Variants in ITPKA observed in about 807,000 individuals in gnomAD.
ITPKA encodes the protein IP3 3-kinase A.
A neutral mutation model predicts 40.7 loss-of-function variants in ITPKA; 16 were observed. The ratio of observed to expected loss-of-function variants is 0.39; its 90% CI spans 0.27 to 0.60. ITPKA has a LOEUF of 0.60. Ranked by LOEUF, ITPKA falls within the 20% of genes least tolerant of loss-of-function variation. The pLI is 0.50. For synonymous variants in ITPKA, 313 were observed against 289.9 expected (o/e 1.08, Z -0.81); for missense variants, 540 against 649.3 (o/e 0.83, Z 1.83).
At position 41,501,623 on chromosome 15, in the gene ITPKA, G is replaced by T; in HGVS notation, c.587-12G>T. The T allele has an allele frequency of 6.2e-7, 1 of 1,600,162 alleles. No individual in the cohort carries two copies. The highest frequency in any genetic ancestry group is 8.5e-7 in the Non-Finnish European group (1 of 1,174,570). On this transcript the variant is annotated splice_polypyrimidine_tract_variant and intron_variant, in intron 2 of 6. Transcript: ENST00000260386. ...AAGGGGCTGGGCGGCGCTGACGGAT[G>T]CCGGTCCTCAGGGAGTTTTAAGGCG...
intron 4 of ITPKA, 22 bp from the exon 5 acceptor site, chr15:41,502,380 G>C (rs1486185732): frequency 6.4e-7 from 1 of 1,556,452 alleles, no homozygotes; most frequent in Non-Finnish European, 8.8e-7. Flanking sequence ...CGGGGCCCCT[G>C]ACACTCCTGT....
At position 41,503,045 on chromosome 15, in the gene ITPKA, C is replaced by G. The variant is rs745545484; in HGVS notation, c.1265C>G (p.Pro422Arg). The change falls in exon 7 of 7, where the codon CCC becomes CGC. Residue 422 changes from proline to arginine, a missense_variant. Coordinates refer to ENST00000260386, the MANE Select transcript of ITPKA (RefSeq NM_002220.3). ...CTCATCGACTTCGGCAAGACCACGC[C>G]CCTCCCCGATGGCCAGATCCTGGAC... ...VWLIDFGKTT[P>R]LPDGQILDHR... The G allele has an allele frequency of 6.2e-7, 1 of 1,610,708 alleles. No individual in the cohort carries two copies. The highest frequency in any genetic ancestry group is 1.1e-5 in the South Asian group (1 of 90,950).
chr15:41,498,968 T>A (rs943676554), intron 1 of ITPKA, among the ~76,000 whole-genome samples: 1 of 152,112 alleles, frequency 6.6e-6, no homozygotes. Flanking sequence ...GGGATGTAAC[T>A]CCCCTTGATT....
rs1437553477 is a variant in ITPKA, at chr15:41,494,827, C to T, written c.489+411C>T. Among the ~76,000 whole-genome samples the T allele has an allele frequency of 2.0e-5, 3 of 152,222 alleles. No individual in the cohort carries two copies. The highest frequency in any genetic ancestry group is 6.5e-5 in the Admixed American group (1 of 15,292). ...ACCCCCCGCCCCCTCTCCGGTGCCGCGGCCGCACCCCCGCCGTTGCCACGG... is the reference window on the plus strand; with the variant it reads ...ACCCCCCGCCCCCTCTCCGGTGCCGTGGCCGCACCCCCGCCGTTGCCACGG... On this transcript the variant is annotated intron_variant, in intron 1 of 6. Transcript: ENST00000260386. This position sits in a 1 kb window ranked among gnomAD's most constrained non-coding sequence, Gnocchi z 7.8.
chr15:41,502,598 C>T, intron 5 of ITPKA, 95 bp downstream of exon 5: 1 of 932,216 alleles, frequency 1.1e-6, no homozygotes, highest in Non-Finnish European at 1.7e-6. Context: ...GTGTCCCCAC[C>T]ATGGCCCTCA....
chr15:41,494,637 G>A lies in ITPKA; in HGVS notation c.489+221G>A, dbSNP rs1220341445. 2.6e-5 allele frequency among the ~76,000 whole-genome samples: 4 copies of A among 152,200 alleles called. No individual in the cohort carries two copies. Among genetic ancestry groups the A allele is most frequent in the African/African-American group, 9.6e-5 (4 of 41,460 alleles). On this transcript the variant is annotated intron_variant, in intron 1 of 6. Transcript: ENST00000260386. This position sits in a 1 kb window ranked among gnomAD's most constrained non-coding sequence, Gnocchi z 7.8. ...GCCGGCGGGTCGTGGCGCTGGCCCT[G>A]GGGCGTCTAAGAAGCGGGGCGAGGA...
intron 1 of ITPKA, among the ~76,000 whole-genome samples, chr15:41,495,146 C>A (rs1191675712): frequency 6.6e-6 from 1 of 152,240 alleles, no homozygotes; most frequent in Non-Finnish European, 1.5e-5. Context: ...CCAGGTCTGA[C>A]CCTCGGAAAA....
chr15:41,501,008 GAAAAAAAAAAA>G (rs11366854), intron 1 of ITPKA, among the ~76,000 whole-genome samples: 2 of 58,182 alleles, frequency 3.4e-5, no homozygotes, highest in Admixed American at 2.4e-4. Flanking sequence ...GACTCCATCT[GAAAAAAAAAAA>G]AAAAAAAAAA....
Position 41,502,874 on chromosome 15 carries a change from C to G in ITPKA, c.1182+15C>G, listed in dbSNP as rs1232623533. On this transcript the variant is annotated intron_variant, in intron 6 of 6. Transcript: ENST00000260386. ...GGAGGCACGAGGTAAGCGGCGGCTGCCCGGGTGCCCGGGCCGCGAGGGCTA... is the reference window on the plus strand; with the variant it reads ...GGAGGCACGAGGTAAGCGGCGGCTGGCCGGGTGCCCGGGCCGCGAGGGCTA... The G allele has an allele frequency of 1.1e-5, 18 of 1,610,366 alleles. No individual in the cohort carries two copies. The highest frequency in any genetic ancestry group is 1.4e-5 in the Non-Finnish European group (17 of 1,178,592).
Position 41,494,201 on chromosome 15 carries a change from C to A in ITPKA, c.274C>A (p.Pro92Thr). Residue 92 changes from proline to threonine, a missense_variant, in exon 1 of 7, where the codon CCC becomes ACC. By Grantham distance (38) the Pro-to-Thr change is conservative. Coordinates refer to ENST00000260386, the MANE Select transcript of ITPKA (RefSeq NM_002220.3). This position sits in a 1 kb window ranked among gnomAD's most constrained non-coding sequence, Gnocchi z 7.8. ...LTVTAEEPDV[P>T]PTSPGPPERE... Reference sequence around the variant, plus strand: ...CGTGACAGCCGAGGAGCCCGACGTGCCCCCGACCAGCCCTGGGCCGCCGGA... The same window carrying A: ...CGTGACAGCCGAGGAGCCCGACGTGACCCCGACCAGCCCTGGGCCGCCGGA... 42 of 1,525,004 alleles carry A rather than the reference C, an allele frequency of 2.8e-5. No individual in the cohort carries two copies. The highest frequency in any genetic ancestry group is 3.5e-5 in the Non-Finnish European group (40 of 1,143,406). 94.5% of individuals were successfully genotyped at this position (1,525,004 alleles called of 1,614,324 possible).
chr15:41,502,620 C>G, intron 5 of ITPKA, 117 bp downstream of exon 5: 2 of 915,470 alleles, frequency 2.2e-6, no homozygotes, highest in Non-Finnish European at 3.4e-6. Flanking sequence ...CGCGCTGGCT[C>G]GCAACTGCTC....
rs2140681403 is a variant in ITPKA at position 41,503,432 on chromosome 15, G to GT, written c.*266_*267insT. 1.7e-6 allele frequency: 1 copy of GT among 602,758 alleles called. No individual in the cohort carries two copies. Among genetic ancestry groups the GT allele is most frequent in the South Asian group, 1.7e-5 (1 of 58,954 alleles). 37.3% of individuals were successfully genotyped at this position (602,758 alleles called of 1,614,324 possible). ...TTCTTCCTCAGGCCAGCTCTTCTGA[G>GT]GAGGCTCTGCCCTCTCCAGAGGTGC... is the stretch of plus-strand genomic sequence containing the variant. On this transcript the variant is annotated 3_prime_UTR_variant, in exon 7 of 7. Transcript: ENST00000260386.
rs759550396 is a variant in ITPKA at position 41,502,225 on chromosome 15, C to T, written c.1008+24C>T. On this transcript the variant is annotated intron_variant, in intron 4 of 6. Transcript: ENST00000260386. Reference sequence around the variant, plus strand: ...AGGTGAGGCAGGCGCGCTTCGCTGGCACCGCCGCAGCCCCACTGCGCGCTG... The same window carrying T: ...AGGTGAGGCAGGCGCGCTTCGCTGGTACCGCCGCAGCCCCACTGCGCGCTG... 1.2e-5 allele frequency: 18 copies of T among 1,548,484 alleles called. No individual in the cohort carries two copies. The Admixed American group carries it at 3.5e-4, about 30-fold the overall frequency.
At position 41,494,268 on chromosome 15, in the gene ITPKA, T is replaced by G; in HGVS notation, c.341T>G (p.Leu114Arg). ...CTCCCGGCAGCGGGCTCTTCGCACC[T>G]GCAGCAGCCGCGCCGCCTTTCCACC... The part of the protein sequence containing the change: ...DCLPAAGSSH[L>R]QQPRRLSTSS... The change falls in exon 1 of 7, where the codon CTG becomes CGG. Residue 114 changes from leucine (L) to arginine (R), a missense_variant. Transcript: ENST00000260386. This position sits in a 1 kb window ranked among gnomAD's most constrained non-coding sequence, Gnocchi z 7.8. The G allele has an allele frequency of 6.5e-7, 1 of 1,547,408 alleles. No homozygotes were observed. Among genetic ancestry groups the G allele is most frequent in the Non-Finnish European group, 8.7e-7 (1 of 1,154,666 alleles).
chr15:41,501,008 GAAAAAAAAAAAAA>G (rs11366854), intron 1 of ITPKA, among the ~76,000 whole-genome samples: 2 of 58,168 alleles, frequency 3.4e-5, no homozygotes, highest in Non-Finnish European at 3.0e-5. Flanking sequence ...GACTCCATCT[GAAAAAAAAAAAAA>G]AAAAAAAAAA....
At chr15:41,499,680 CAT>C (rs1468411758) in intron 1 of ITPKA, among the ~76,000 whole-genome samples, 1 of 152,174 alleles carries the variant, frequency 6.6e-6, no homozygotes, top group Non-Finnish European at 1.5e-5. Context: ...GGGGGTACAA[CAT>C]GTGTAACTGT....
chr15:41,503,224 C>A lies in ITPKA; in HGVS notation c.*58C>A, dbSNP rs1566859483. ...TGACATGTGGACCTGCAGCTTTGTCCCCACTGTGCATGCCGGCTTGAGACT... is the reference window on the plus strand; with the variant it reads ...TGACATGTGGACCTGCAGCTTTGTCACCACTGTGCATGCCGGCTTGAGACT... On this transcript the variant is annotated 3_prime_UTR_variant, in exon 7 of 7. Transcript: ENST00000260386. The A allele has an allele frequency of 8.4e-6, 11 of 1,308,396 alleles. No individual in the cohort carries two copies. The highest frequency in any genetic ancestry group is 2.5e-4 in the Middle Eastern group (1 of 4,006). 81.0% of individuals were successfully genotyped at this position (1,308,396 alleles called of 1,614,324 possible).
intron 1 of ITPKA, among the ~76,000 whole-genome samples, chr15:41,498,995 G>T (rs2051092458): frequency 6.6e-6 from 1 of 152,120 alleles, no homozygotes; most frequent in Non-Finnish European, 1.5e-5. Flanking sequence ...TGTAAAATGG[G>T]AATGATACCA....
chr15:41,499,300 C>T (rs957066557), intron 1 of ITPKA, among the ~76,000 whole-genome samples: 14 of 152,330 alleles, frequency 9.2e-5, no homozygotes, highest in Middle Eastern at 6.8e-3. Flanking sequence ...CACGTGATCA[C>T]ACCCTAGTGT....
Sources: allele counts gnomAD v4.1 joint callset (sites outside exome capture counted in the v4.1 genomes callset), GRCh38; gene constraint gnomAD v4.1.1; non-coding constraint Gnocchi (gnomAD v3.1); transcripts MANE v1.5; gene names NCBI Gene and HGNC (gene_info 2026-07-23, HGNC 2026-07-21).